GREB1L: variants seen among roughly 807,000 people sequenced by gnomAD.
GREB1L encodes GREB1 like retinoic acid receptor coactivator.
A neutral mutation model predicts 200.8 loss-of-function variants in GREB1L; 17 were observed. The observed-to-expected ratio is 0.08, with a 90% CI of 0.06 to 0.13. The LOEUF is 0.13. Among genes scored for constraint, GREB1L ranks in the 10% least tolerant of loss-of-function variants. GREB1L has a pLI of 1.00. For missense variants in GREB1L, 1,657 were observed against 2,367.7 expected (o/e 0.70, Z 6.23); for synonymous variants, 789 against 893.0 (o/e 0.88, Z 2.08).
intron 7 of GREB1L, among the ~76,000 whole-genome samples, chr18:21,430,115 T>A (rs1244306153): frequency 6.6e-6 from 1 of 152,178 alleles, no homozygotes; most frequent in Non-Finnish European, 1.5e-5. Context: ...CCTTACCCTA[T>A]GACCTCATCT....
At chr18:21,427,920 GT>G (rs1397442413) in intron 7 of GREB1L, among the ~76,000 whole-genome samples, 22 of 152,140 alleles carry the variant, frequency 1.4e-4, no homozygotes, top group African/African-American at 4.6e-4. Context: ...GCCGGGCGCG[GT>G]GGCTCACGCC....
chr18:21,400,856 A>G (rs2041288117), intron 5 of GREB1L, among the ~76,000 whole-genome samples: 1 of 152,166 alleles, frequency 6.6e-6, no homozygotes, highest in Non-Finnish European at 1.5e-5. Context: ...TATGTGCTCT[A>G]TTTCCTTAAC....
intron 29 of GREB1L, among the ~76,000 whole-genome samples, chr18:21,516,402 G>A: frequency 6.6e-6 from 1 of 152,124 alleles, no homozygotes; most frequent in East Asian, 1.9e-4. Flanking sequence ...ACATAGCTGG[G>A]ACAAAAATAA....
At chr18:21,505,996 T>A in intron 25 of GREB1L, 47 bp downstream of exon 25, 1 of 1,523,732 alleles carries the variant, frequency 6.6e-7, no homozygotes, top group Non-Finnish European at 8.8e-7. Context: ...AGTATGGATT[T>A]TGTATGTAAG....
intron 3 of GREB1L, 125 bp from the exon 4 acceptor site, chr18:21,384,081 T>G: frequency 7.0e-6 from 5 of 716,460 alleles, no homozygotes; most frequent in Non-Finnish European, 1.2e-5. Flanking sequence ...TTGGGACCTC[T>G]GAGATAAATT....
chr18:21,280,518 T>C (rs2038251060), intron 1 of GREB1L, among the ~76,000 whole-genome samples: 1 of 152,154 alleles, frequency 6.6e-6, no homozygotes, highest in South Asian at 2.1e-4. Context: ...CTAAAAACAC[T>C]TGTGTGCAGG....
At chr18:21,462,738 C>G (rs1176248745) in intron 15 of GREB1L, among the ~76,000 whole-genome samples, 2 of 152,178 alleles carry the variant, frequency 1.3e-5, no homozygotes, top group Non-Finnish European at 2.9e-5. Flanking sequence ...GTGTGAGCCA[C>G]TGCACCCGGC....
At chr18:21,446,388 C>G (rs2034220155) in intron 11 of GREB1L, among the ~76,000 whole-genome samples, 1 of 151,742 alleles carries the variant, frequency 6.6e-6, no homozygotes, top group Admixed American at 6.6e-5. Flanking sequence ...ACCAAGTGGT[C>G]AAAATAAGAT....
At chr18:21,443,060 C>A (rs1473465369) in intron 10 of GREB1L, among the ~76,000 whole-genome samples, 1 of 151,798 alleles carries the variant, frequency 6.6e-6, no homozygotes, top group Non-Finnish European at 1.5e-5. Flanking sequence ...TGCACCACCA[C>A]GCTCAGCCTA....
chr18:21,430,570 T>G (rs1255274869), intron 7 of GREB1L, among the ~76,000 whole-genome samples: 1 of 150,316 alleles, frequency 6.7e-6, no homozygotes, highest in Non-Finnish European at 1.5e-5. Context: ...TTAAGGTGAT[T>G]GATTTGGGAT....
intron 1 of GREB1L, among the ~76,000 whole-genome samples, chr18:21,319,987 A>G (rs539901402): frequency 1.3e-5 from 2 of 152,248 alleles, no homozygotes; most frequent in African/African-American, 4.8e-5. Context: ...AAGGAAAGAG[A>G]CTCAAATTTT....
At chr18:21,481,505 T>G (rs2035922379) in intron 17 of GREB1L, among the ~76,000 whole-genome samples, 1 of 148,500 alleles carries the variant, frequency 6.7e-6, no homozygotes, top group South Asian at 2.2e-4. Context: ...ATAGCATTAT[T>G]AGAATTTACC....
intron 1 of GREB1L, among the ~76,000 whole-genome samples, chr18:21,314,707 C>G (rs561902888): frequency 6.6e-6 from 1 of 152,334 alleles, no homozygotes; most frequent in South Asian, 2.1e-4. Flanking sequence ...AGCCAATCAT[C>G]TATGGTCCGT....
chr18:21,310,170 A>G (rs1231295156), intron 1 of GREB1L, among the ~76,000 whole-genome samples: 1 of 152,216 alleles, frequency 6.6e-6, no homozygotes, highest in Admixed American at 6.6e-5. Flanking sequence ...AATCTAGACC[A>G]TGTATCCTGT....
chr18:21,312,719 A>G (rs1320906987), intron 1 of GREB1L, among the ~76,000 whole-genome samples: 1 of 151,542 alleles, frequency 6.6e-6, no homozygotes, highest in Admixed American at 6.6e-5. Context: ...ATGCCCAACT[A>G]ATTTTTGTAT....
At chr18:21,347,933 ATTTTTTTTTTT>A (rs1171946736) in intron 1 of GREB1L, among the ~76,000 whole-genome samples, 6 of 77,362 alleles carry the variant, frequency 7.8e-5, no homozygotes, top group South Asian at 3.6e-4. Context: ...CACTCGGCTA[ATTTTTTTTTTT>A]TTTTTTTTTT....
chr18:21,309,591 G>A (rs1480983941), intron 1 of GREB1L, among the ~76,000 whole-genome samples: 1 of 152,134 alleles, frequency 6.6e-6, no homozygotes. Context: ...TGCACCTTAC[G>A]AAATGACTAG....
chr18:21,391,994 G>C (rs1267612163), intron 4 of GREB1L, among the ~76,000 whole-genome samples: 2 of 152,118 alleles, frequency 1.3e-5, no homozygotes, highest in African/African-American at 4.8e-5. Context: ...ATTTTTAGTA[G>C]AGACAAGATT....
chr18:21,499,658 C>T, intron 21 of GREB1L, 71 bp from the exon 22 acceptor site: 1 of 1,151,436 alleles, frequency 8.7e-7, no homozygotes. Flanking sequence ...CTTTCCTGGC[C>T]TTTGTCTGCT....
Sources: gnomAD v4.1 joint callset for allele counts (sites outside exome capture counted in the v4.1 genomes callset) on GRCh38, gnomAD v4.1.1 for gene constraint, MANE v1.5 for transcripts, NCBI Gene and HGNC (gene_info 2026-07-23, HGNC 2026-07-21) for gene names.